Variants in AHCYL2 observed in about 807,000 individuals in gnomAD.
AHCYL2 encodes S-adenosylhomocysteine hydrolase-like protein 2.
AHCYL2 carries 28 observed loss-of-function variants against 81.4 expected under a neutral mutation model. That is an observed-to-expected ratio of 0.34 (90% CI 0.25 to 0.47). The LOEUF is 0.47. AHCYL2 is among the 20% of genes least tolerant of loss of function. The pLI is 1.00. For missense variants in AHCYL2, 551 were observed against 785.1 expected, an observed-to-expected ratio of 0.70 and a Z score of 3.56; for synonymous variants, 272 against 290.2, an observed-to-expected ratio of 0.94 and a Z score of 0.64.
chr7:129,272,071 G>A (rs1796040327), intron 1 of AHCYL2, among the ~76,000 whole-genome samples: 2 of 152,266 alleles, frequency 1.3e-5, no homozygotes, highest in East Asian at 1.9e-4. Context: ...TTCCATCTAG[G>A]CCTATTTGAA....
intron 1 of AHCYL2, among the ~76,000 whole-genome samples, chr7:129,323,683 C>T (rs1393996528): frequency 6.6e-6 from 1 of 152,054 alleles, no homozygotes; most frequent in Non-Finnish European, 1.5e-5. Flanking sequence ...GTAGGTTTGT[C>T]TATTCCTTTT....
intron 1 of AHCYL2, among the ~76,000 whole-genome samples, chr7:129,306,398 C>T (rs1000226727): frequency 3.9e-5 from 6 of 151,960 alleles, no homozygotes; most frequent in Admixed American, 3.3e-4. Flanking sequence ...TTCAGTGTGT[C>T]AATTGTATTT....
chr7:129,330,456 G>A (rs560267531), intron 1 of AHCYL2, among the ~76,000 whole-genome samples: 1 of 151,902 alleles, frequency 6.6e-6, no homozygotes, highest in African/African-American at 2.4e-5. Flanking sequence ...AAGGTTTCCA[G>A]GATACTCTGG....
chr7:129,282,124 G>C (rs1233166558), intron 1 of AHCYL2, among the ~76,000 whole-genome samples: 4 of 152,010 alleles, frequency 2.6e-5, no homozygotes, highest in Non-Finnish European at 5.9e-5. Flanking sequence ...TATATTTATT[G>C]AGGATTGATT....
chr7:129,230,079 C>CTTTTTTTTTTTTTTT (rs35056717), intron 1 of AHCYL2, among the ~76,000 whole-genome samples: 7 of 109,430 alleles, frequency 6.4e-5, no homozygotes, highest in Non-Finnish European at 9.3e-5. Context: ...TTATTTAATT[C>CTTTTTTTTTTTTTTT]TTTTTTTTTT....
chr7:129,275,416 A>AT (rs1330898477), intron 1 of AHCYL2, among the ~76,000 whole-genome samples: 3 of 152,228 alleles, frequency 2.0e-5, no homozygotes, highest in Non-Finnish European at 4.4e-5. Flanking sequence ...AAATAAAAAA[A>AT]TAAAAAAATA....
At chr7:129,268,612 A>C (rs150595163) in intron 1 of AHCYL2, among the ~76,000 whole-genome samples, 507 of 152,312 alleles carry the variant, frequency 3.3e-3, no homozygotes, top group African/African-American at 0.012. Context: ...TCGGCCTCCC[A>C]AAGTGTTGGG....
At chr7:129,386,876 A>G (rs1795227880) in intron 2 of AHCYL2, among the ~76,000 whole-genome samples, 1 of 152,188 alleles carries the variant, frequency 6.6e-6, no homozygotes, top group Non-Finnish European at 1.5e-5. Flanking sequence ...CTAAATGATT[A>G]TGTATGTATA....
chr7:129,227,605 T>A (rs1794273111), intron 1 of AHCYL2, among the ~76,000 whole-genome samples: 1 of 94,804 alleles, frequency 1.1e-5, no homozygotes, highest in African/African-American at 3.7e-5. Flanking sequence ...TGAGACCTTG[T>A]CTCAAAAAAA....
At chr7:129,272,196 G>A (rs1796044239) in intron 1 of AHCYL2, among the ~76,000 whole-genome samples, 1 of 152,138 alleles carries the variant, frequency 6.6e-6, no homozygotes, top group Non-Finnish European at 1.5e-5. Flanking sequence ...CCAACAGCTA[G>A]CATCACTTTT....
intron 1 of AHCYL2, among the ~76,000 whole-genome samples, chr7:129,369,049 T>A (rs916709515): frequency 3.3e-5 from 5 of 152,192 alleles, no homozygotes; most frequent in African/African-American, 1.2e-4. Context: ...CCCCCCCAGC[T>A]ATCCTTTATA....
intron 4 of AHCYL2, among the ~76,000 whole-genome samples, chr7:129,390,839 G>C (rs1313790971): frequency 1.3e-5 from 2 of 152,126 alleles, no homozygotes; most frequent in African/African-American, 4.8e-5. Flanking sequence ...ACCATGATTT[G>C]CTTACACCAG....
intron 1 of AHCYL2, among the ~76,000 whole-genome samples, chr7:129,242,155 T>C (rs868238890): frequency 6.6e-6 from 1 of 152,146 alleles, no homozygotes; most frequent in Admixed American, 6.5e-5. Context: ...ATGTAGATTT[T>C]CTAATTGATT....
chr7:129,263,686 G>T (rs1001657979), intron 1 of AHCYL2, among the ~76,000 whole-genome samples: 1 of 152,208 alleles, frequency 6.6e-6, no homozygotes, highest in Non-Finnish European at 1.5e-5. Flanking sequence ...TAAGCTAATA[G>T]GAGAGTGTCA....
chr7:129,313,073 A>G (rs574447969), intron 1 of AHCYL2, among the ~76,000 whole-genome samples: 7 of 152,288 alleles, frequency 4.6e-5, no homozygotes, highest in African/African-American at 1.7e-4. Flanking sequence ...CCTAGAATCT[A>G]AGCTGTACAA....
chr7:129,362,032 T>G (rs1020047142), intron 1 of AHCYL2, among the ~76,000 whole-genome samples: 1 of 152,170 alleles, frequency 6.6e-6, no homozygotes, highest in African/African-American at 2.4e-5. Flanking sequence ...GAAGCGAGAT[T>G]CAAACCAGGC....
intron 1 of AHCYL2, among the ~76,000 whole-genome samples, chr7:129,277,972 G>A (rs1796285401): frequency 6.6e-6 from 1 of 152,160 alleles, no homozygotes. Context: ...TTATATAAGT[G>A]TACGGTTTAA....
At chr7:129,295,209 TTC>T (rs901809679) in intron 1 of AHCYL2, among the ~76,000 whole-genome samples, 2 of 152,242 alleles carry the variant, frequency 1.3e-5, no homozygotes, top group Non-Finnish European at 2.9e-5. Context: ...AGAGTAGAGC[TTC>T]TCTCTTCTCT....
At position 129,391,666 on chromosome 7, in the gene AHCYL2, G is replaced by A. The variant is rs145403602; in HGVS notation, c.720+1932G>A. Among the ~76,000 whole-genome samples the A allele has an allele frequency of 8.3e-4, 126 of 152,306 alleles. 2 individuals carry two copies. The East Asian group carries it at 0.021, about 26-fold the overall frequency. ...TGAGCAGTGGTCTGGAATCTTTTAT[G>A]GGGATTCATAAGATCTGGGTCATCT... On this transcript the variant is annotated intron_variant, in intron 4 of 16. Coordinates refer to ENST00000325006, the MANE Select transcript of AHCYL2 (RefSeq NM_015328.4).
Sources: allele counts gnomAD v4.1 joint callset (sites outside exome capture counted in the v4.1 genomes callset), GRCh38; gene constraint gnomAD v4.1.1; transcripts MANE v1.5; gene names NCBI Gene and HGNC (gene_info 2026-07-23, HGNC 2026-07-21).